PARP4: variants seen among roughly 807,000 people sequenced by gnomAD.
PARP4 encodes protein mono-ADP-ribosyltransferase PARP4.
Under a neutral mutation model 187.7 loss-of-function variants are expected in PARP4, and 120 were observed. The observed-to-expected ratio is 0.64, with a 90% CI of 0.55 to 0.74. The LOEUF is 0.74. PARP4 is among the 30% of genes least tolerant of loss of function. PARP4 has a pLI of 0.00. For synonymous variants in PARP4, 654 were observed against 740.9 expected (o/e 0.88, Z 1.90); for missense variants, 1,836 against 2,070.5 (o/e 0.89, Z 2.20).
intron 6 of PARP4, among the ~76,000 whole-genome samples, chr13:24,495,501 G>A (rs370670191): frequency 1.3e-5 from 2 of 152,226 alleles, no homozygotes; most frequent in East Asian, 1.9e-4. Context: ...TCATGCACAT[G>A]TTAAAGGCTC....
Position 24,452,384 on chromosome 13 carries a change from T to G in PARP4, c.3014+22A>C, listed in dbSNP as rs2137470153. The G allele has an allele frequency of 5.0e-6, 8 of 1,598,548 alleles. No individual in the cohort carries two copies. The East Asian group carries it at 1.3e-4, about 27-fold the overall frequency. ...GACCTCCCCGTGGGTCTGGACTATG[T>G]GACCAGCTCTCTGAGACTCACCCGA... is the stretch of plus-strand genomic sequence containing the variant. On this transcript the variant is annotated intron_variant, in intron 24 of 33. Transcript: ENST00000381989.
intron 33 of PARP4, among the ~76,000 whole-genome samples, chr13:24,422,867 A>G (rs1869820372): frequency 6.6e-6 from 1 of 152,102 alleles, no homozygotes; most frequent in East Asian, 1.9e-4. Flanking sequence ...TCAACCTCCC[A>G]AAGTGCTGGA....
At chr13:24,461,266 G>A (rs1872204145) in intron 17 of PARP4, among the ~76,000 whole-genome samples, 1 of 152,182 alleles carries the variant, frequency 6.6e-6, no homozygotes, top group Admixed American at 6.6e-5. Context: ...ACAATAAAGA[G>A]ATGATTATTA....
Position 24,492,472 on chromosome 13 carries a change from C to T in PARP4, c.1002G>A (p.Met334Ile), listed in dbSNP as rs1846320973. 1 of 1,614,100 alleles carries T rather than the reference C, an allele frequency of 6.2e-7. No homozygotes were observed. The highest frequency in any genetic ancestry group is 8.5e-7 in the Non-Finnish European group (1 of 1,179,950). The change falls in exon 9 of 34, where the codon ATG (methionine) becomes ATA (isoleucine). Residue 334 changes from methionine to isoleucine, a missense_variant. Coordinates refer to ENST00000381989, the MANE Select transcript of PARP4 (RefSeq NM_006437.4). ...FYRLIPHKGT[M>I]PKEVNLGLLA... ...ATAGTCCCAGGTTCACTTCTTTGGGCATTGTGCCTTTGTGAGGTATCAGTC... is the reference window on the plus strand; with the variant it reads ...ATAGTCCCAGGTTCACTTCTTTGGGTATTGTGCCTTTGTGAGGTATCAGTC...
At chr13:24,431,902 T>A (rs1565986751) in intron 31 of PARP4, among the ~76,000 whole-genome samples, 1 of 152,200 alleles carries the variant, frequency 6.6e-6, no homozygotes, top group Non-Finnish European at 1.5e-5. Flanking sequence ...TTTTTAATTT[T>A]TATTTTAGTA....
rs776900139 is a variant in PARP4 at position 24,500,344 on chromosome 13, C to T, written c.373G>A (p.Glu125Lys). 2.5e-6 allele frequency: 4 copies of T among 1,605,372 alleles called. No homozygotes were observed. In the South Asian group the frequency reaches 4.4e-5, roughly 18 times the overall value. The change falls in exon 4 of 34, where the codon GAG becomes AAG. Residue 125 changes from glutamate (E) to lysine (K), a missense_variant. Glu to Lys is a moderately conservative substitution (Grantham distance 56, BLOSUM62 1). Transcript: ENST00000381989. ...TEGLCPDSAT[E>K]EEDTVELTEF... is the part of the protein sequence containing the mutation. ...GTGAGTTCCACAGTGTCTTCCTCCTCTGTGGCACTGTCCGGGCATAGACCT... is the reference window on the plus strand; with the variant it reads ...GTGAGTTCCACAGTGTCTTCCTCCTTTGTGGCACTGTCCGGGCATAGACCT...
intron 4 of PARP4, among the ~76,000 whole-genome samples, 197 bp downstream of exon 4, chr13:24,500,119 T>C (rs1264912308): frequency 6.6e-6 from 1 of 152,136 alleles, no homozygotes; most frequent in Non-Finnish European, 1.5e-5. Flanking sequence ...CAATCTCATT[T>C]AATACTGAGA....
chr13:24,434,628 C>T lies in PARP4; in HGVS notation c.4513G>A (p.Val1505Ile). The T allele has an allele frequency of 1.2e-6, 2 of 1,612,514 alleles. No homozygotes were observed. Among genetic ancestry groups the T allele is most frequent in the Non-Finnish European group, 1.7e-6 (2 of 1,178,794 alleles). Residue 1505 changes from valine (V) to isoleucine (I), a missense_variant, in exon 31 of 34, where the codon GTA becomes ATA. Physicochemically the swap from Val to Ile is conservative, Grantham distance 29. This residue lies in a region of PARP4 where 450 missense variants were observed against 439.2 expected (regional missense o/e 1.02). Transcript: ENST00000381989. The stretch of plus-strand genomic sequence containing the variant: ...CATCGACTTCCTTCGAGACTGCCTA[C>T]TGATTCTTCTAGAAGACAGAGATCT... ...PVDLCLLEES[V>I]GSLEGSRCPV...
At chr13:24,467,395 G>T (rs2137495418) in intron 17 of PARP4, among the ~76,000 whole-genome samples, 1 of 152,264 alleles carries the variant, frequency 6.6e-6, no homozygotes, top group South Asian at 2.1e-4. Context: ...GTCTTTCCGG[G>T]GGAAGGCAGG....
At chr13:24,438,605 G>A (rs1476357538) in intron 30 of PARP4, among the ~76,000 whole-genome samples, 2 of 152,194 alleles carry the variant, frequency 1.3e-5, no homozygotes, top group Admixed American at 6.5e-5. Context: ...TTTCATGAGC[G>A]GGAGGGAACG....
At chr13:24,498,024 A>C in intron 6 of PARP4, 92 bp downstream of exon 6, 1 of 804,108 alleles carries the variant, frequency 1.2e-6, no homozygotes, top group South Asian at 1.7e-5. Context: ...ACAACAGGTA[A>C]GAAGAAAAAG....
chr13:24,460,008 G>C lies in PARP4; in HGVS notation c.2262C>G (p.Pro754=). The change falls in exon 18 of 34, where the codon CCC becomes CCG. Residue 754 remains proline (P), a synonymous_variant. Transcript: ENST00000381989. The part of the protein sequence containing the change: ...GVFFMPATVA[P]WQQDKALNEN... ...CATTCAAAGCCTTGTCCTGTTGCCA[G>C]GGTGCTACGGTGGCGGGCATGAAAA... The C allele has an allele frequency of 6.2e-7, 1 of 1,614,096 alleles. No homozygotes were observed. The highest frequency in any genetic ancestry group is 8.5e-7 in the Non-Finnish European group (1 of 1,179,988).
intron 30 of PARP4, among the ~76,000 whole-genome samples, chr13:24,437,676 T>G (rs1470041965): frequency 6.6e-6 from 1 of 152,086 alleles, no homozygotes; most frequent in Non-Finnish European, 1.5e-5. Context: ...ACCTGTAAGA[T>G]ATGCAAAGAT....
intron 21 of PARP4, among the ~76,000 whole-genome samples, chr13:24,455,453 A>G (rs1871772395): frequency 7.1e-6 from 1 of 141,312 alleles, no homozygotes; most frequent in Admixed American, 7.5e-5. Context: ...TATCTGAAAA[A>G]TCATATAGCA....
At chr13:24,505,550 A>T (rs1046257191) in intron 1 of PARP4, among the ~76,000 whole-genome samples, 6 of 151,972 alleles carry the variant, frequency 3.9e-5, no homozygotes, top group Non-Finnish European at 8.8e-5. Context: ...AACCCCCCAG[A>T]AATGTTTCAC....
At chr13:24,504,802 T>G (rs187432485) in intron 1 of PARP4, among the ~76,000 whole-genome samples, 1 of 151,926 alleles carries the variant, frequency 6.6e-6, no homozygotes, top group East Asian at 1.9e-4. Flanking sequence ...CAATTGATTC[T>G]CCTGCCTCGG....
At chr13:24,505,476 T>C (rs184102840) in intron 1 of PARP4, among the ~76,000 whole-genome samples, 162 of 152,270 alleles carry the variant, frequency 1.1e-3, no homozygotes, top group African/African-American at 3.8e-3. Flanking sequence ...GAGGGAAGTT[T>C]CTTCAGATAA....
intron 30 of PARP4, among the ~76,000 whole-genome samples, chr13:24,438,253 G>A (rs1470113587): frequency 1.3e-5 from 2 of 152,182 alleles, no homozygotes; most frequent in Non-Finnish European, 2.9e-5. Flanking sequence ...ATGGTTTTGG[G>A]ATGAAAGTAT....
intron 17 of PARP4, among the ~76,000 whole-genome samples, chr13:24,462,566 G>T (rs1318503945): frequency 1.3e-5 from 2 of 152,150 alleles, no homozygotes; most frequent in East Asian, 1.9e-4. Flanking sequence ...ATGACCCAAT[G>T]TCAAGATAAA....
Sources: allele counts gnomAD v4.1 joint callset (sites outside exome capture counted in the v4.1 genomes callset), GRCh38; gene constraint gnomAD v4.1.1; regional missense constraint gnomAD v4.1.1; transcripts MANE v1.5; gene names NCBI Gene and HGNC (gene_info 2026-07-23, HGNC 2026-07-21).